The following GSTO1 variants were observed in gnomAD, a reference collection of about 807,000 sequenced individuals.
GSTO1 encodes glutathione S-transferase omega 1, also known as glutathione S-transferase omega-1.
Under a neutral mutation model 23.8 loss-of-function variants are expected in GSTO1, and 27 were observed. That is an observed-to-expected ratio of 1.13 (90% confidence interval 0.83 to 1.56). The LOEUF (loss-of-function observed/expected upper bound fraction) is 1.56. Among genes scored for constraint, GSTO1 ranks in the 40% most tolerant of loss-of-function variants. The probability of loss-of-function intolerance (pLI) is 0.00; values close to 1 mark genes in which losing one functional copy is unlikely to be tolerated. For synonymous variants in GSTO1, 105 were observed against 109.3 expected (o/e 0.96, Z 0.25); for missense variants, 255 against 285.8 (o/e 0.89, Z 0.78).
Position 104,262,952 on chromosome 10 carries a change from T to A in GSTO1, c.367-27T>A, listed in dbSNP as rs201683901. The A allele has an allele frequency of 6.4e-5, 64 of 1,004,858 alleles. No individual in the cohort carries two copies. In the African/African-American group the frequency reaches 9.4e-4, roughly 15 times the overall value. 62.2% of individuals were successfully genotyped at this position (1,004,858 alleles called of 1,614,324 possible). A position where few individuals can be genotyped will look rare whatever the true frequency, so the allele number is the denominator to read the frequency against. On this transcript the variant is annotated intron_variant, in intron 3 of 5. Coordinates refer to ENST00000369713, the MANE Select transcript of GSTO1 (RefSeq NM_004832.3). ...GCCGATACAGTTAGCCATAAACTGA[T>A]AAACTAAGAAATTATTCTCTGTCTA...
intron 4 of GSTO1, among the ~76,000 whole-genome samples, chr10:104,265,750 C>T (rs60780726): frequency 0.025 from 3,871 of 152,298 alleles, 152 homozygotes; most frequent in African/African-American, 0.086. Context: ...AAGTCTTGCT[C>T]ATTTTTCCAA....
At chr10:104,258,294 A>G (rs2011110770) in intron 2 of GSTO1, among the ~76,000 whole-genome samples, 1 of 152,368 alleles carries the variant, frequency 6.6e-6, no homozygotes, top group African/African-American at 2.4e-5. Flanking sequence ...GCCAACGTGT[A>G]AAAGAAAACA....
rs1461463690 is a variant in GSTO1 at position 104,257,566 on chromosome 10, C to T, written c.144-2010C>T. ...ATGTTGCCCAGGCTGGTCTTGAACT[C>T]CTGGGTTTAAGCAATCCGCCCACTG... On this transcript the variant is annotated intron_variant, in intron 2 of 5. Transcript: ENST00000369713. Among the ~76,000 whole-genome samples, 3 of 152,158 alleles carry T rather than the reference C, an allele frequency of 2.0e-5. No individual in the cohort carries two copies. The East Asian group carries it at 5.8e-4, about 29-fold the overall frequency.
chr10:104,255,209 C>A lies in GSTO1; in HGVS notation c.81C>A (p.Tyr27Ter), dbSNP rs2091596858. ...TCCCGGAGGGCTCGATCCGCATCTA[C>A]AGCATGAGGTTCTGCCCGTTTGCTG... ...GPVPEGSIRI[Y>*]SMRFCPFAER... Residue 27 changes from tyrosine (Y) to a stop codon, truncating the protein, a stop_gained, in exon 2 of 6, where the codon TAC (tyrosine) becomes TAA (stop). Transcript: ENST00000369713. LOFTEE classifies it high-confidence loss of function. 1.2e-6 allele frequency: 2 copies of A among 1,613,934 alleles called. No individual in the cohort carries two copies. Among genetic ancestry groups the A allele is most frequent in the South Asian group, 2.2e-5 (2 of 91,078 alleles).
At chr10:104,254,692 A>T, upstream of GSTO1, 1 of 587,708 alleles carries the variant, frequency 1.7e-6, no homozygotes, top group East Asian at 3.0e-5. Flanking sequence ...ACTTTTGTGT[A>T]TCTCCCCGTG....
Position 104,267,432 on chromosome 10 carries a change from A to G in GSTO1, c.*27A>G, listed in dbSNP as rs776065294. On this transcript the variant is annotated 3_prime_UTR_variant, in exon 6 of 6. Transcript: ENST00000369713. ...GGGGGCAGGAGTCAGCAATAAAGCT[A>G]TGTCTGATATTTTCCTTCACTAATA... 2.0e-6 allele frequency: 3 copies of G among 1,534,622 alleles called. No individual in the cohort carries two copies. Among genetic ancestry groups the G allele is most frequent in the African/African-American group, 2.8e-5 (2 of 71,756 alleles).
chr10:104,260,927 C>T (rs965369444), intron 3 of GSTO1, among the ~76,000 whole-genome samples: 1 of 152,190 alleles, frequency 6.6e-6, no homozygotes, highest in East Asian at 1.9e-4. Context: ...TTTTCAAGAA[C>T]GATGTGGGAG....
intron 3 of GSTO1, among the ~76,000 whole-genome samples, chr10:104,260,341 C>CCA (rs565299285): frequency 1.3e-3 from 204 of 152,264 alleles, no homozygotes; most frequent in African/African-American, 4.5e-3. Context: ...TGACTCTGAG[C>CCA]AAGTTACTTA....
chr10:104,258,586 C>T (rs747326563), intron 2 of GSTO1, among the ~76,000 whole-genome samples: 4 of 152,184 alleles, frequency 2.6e-5, no homozygotes, highest in Admixed American at 6.5e-5. Flanking sequence ...CTTACATAGA[C>T]ACTTCTCAGG....
intron 1 of GSTO1, 45 bp from the exon 2 acceptor site, chr10:104,255,108 ACGGGGGGTCT>A (rs2091595770): frequency 6.8e-7 from 1 of 1,471,324 alleles, no homozygotes; most frequent in African/African-American, 1.4e-5. Flanking sequence ...GCGGTGGGAT[ACGGGGGGTCT>A]CGACACCTCT....
upstream of GSTO1, chr10:104,254,239 A>T (rs2091590609): frequency 6.6e-6 from 1 of 152,504 alleles, no homozygotes. Flanking sequence ...TGGGAAGATA[A>T]GCTGTTAGTT....
chr10:104,263,807 G>A (rs1285598193), intron 4 of GSTO1, among the ~76,000 whole-genome samples: 1 of 151,962 alleles, frequency 6.6e-6, no homozygotes, highest in Non-Finnish European at 1.5e-5. Flanking sequence ...TTTTAAAAAA[G>A]TCATAAATGT....
At chr10:104,257,474 G>A (rs1166212952) in intron 2 of GSTO1, among the ~76,000 whole-genome samples, 2 of 151,890 alleles carry the variant, frequency 1.3e-5, no homozygotes, top group Non-Finnish European at 2.9e-5. Context: ...CGGAGTAGCC[G>A]AGACTACAGG....
At chr10:104,255,530 T>G (rs2091598997) in intron 2 of GSTO1, among the ~76,000 whole-genome samples, 1 of 152,170 alleles carries the variant, frequency 6.6e-6, no homozygotes, top group African/African-American at 2.4e-5. Flanking sequence ...GAGGCTCCAG[T>G]GATGTTAGTG....
chr10:104,259,464 G>A (rs12571959), intron 2 of GSTO1, 112 bp from the exon 3 acceptor site: 17,916 of 640,694 alleles, frequency 0.028, 1,055 homozygotes, highest in African/African-American at 0.16. Flanking sequence ...AATCTAGGCA[G>A]ACTCCTAAAT....
rs145101550 is a variant in GSTO1 at position 104,264,273 on chromosome 10, TTTC to T, written c.465+1202_465+1204del. ...TGGTAATTGGTTTTTTGGTTTTATA[TTTC>T]TTCTTGAATCAGTGTTGGTACTTTT... On this transcript the variant is annotated intron_variant, in intron 4 of 5. Transcript: ENST00000369713. Among the ~76,000 whole-genome samples, 140 of 152,314 alleles carry T rather than the reference TTTC, an allele frequency of 9.2e-4. No individual in the cohort carries two copies. In the East Asian group the frequency reaches 0.024, roughly 26 times the overall value.
In GSTO1 at chr10:104,267,266, C is replaced by A; in HGVS notation, c.587C>A (p.Thr196Asn). 6.2e-7 allele frequency: 1 copy of A among 1,612,766 alleles called. No individual in the cohort carries two copies. The highest frequency in any genetic ancestry group is 8.5e-7 in the Non-Finnish European group (1 of 1,179,100). Residue 196 changes from threonine to asparagine, a missense_variant, in exon 6 of 6, where the codon ACT (threonine) becomes AAT (asparagine). Coordinates refer to ENST00000369713, the MANE Select transcript of GSTO1 (RefSeq NM_004832.3). ...AMKLNECVDH[T>N]PKLKLWMAAM... is the part of the protein sequence containing the mutation. ...TCTTCCCACAGGTGTGTAGACCACA[C>A]TCCAAAACTGAAACTGTGGATGGCA...
At chr10:104,266,881 C>T (rs1226071621) in intron 5 of GSTO1, among the ~76,000 whole-genome samples, 1 of 152,188 alleles carries the variant, frequency 6.6e-6, no homozygotes, top group Non-Finnish European at 1.5e-5. Flanking sequence ...TTGCCTTACT[C>T]CGGCTTCTTG....
intron 3 of GSTO1, among the ~76,000 whole-genome samples, chr10:104,262,181 C>G (rs1321135670): frequency 6.6e-6 from 1 of 152,148 alleles, no homozygotes; most frequent in East Asian, 1.9e-4. Context: ...GTGTGGGTTA[C>G]AAGATAAAAT....
Sources: gnomAD v4.1 joint callset for allele counts (sites outside exome capture counted in the v4.1 genomes callset) on GRCh38, gnomAD v4.1.1 for gene constraint, MANE v1.5 for transcripts, NCBI Gene and HGNC (gene_info 2026-07-23, HGNC 2026-07-21) for gene names.